Variants in CMSS1 observed in about 807,000 individuals in gnomAD.
CMSS1 encodes the protein cms1 ribosomal small subunit homolog, also known as protein CMSS1.
Under a neutral mutation model 43.5 loss-of-function variants are expected in CMSS1, and 33 were observed. That is an observed-to-expected ratio of 0.76 (90% CI 0.57 to 1.01). The LOEUF (loss-of-function observed/expected upper bound fraction) is 1.01. Ranked by LOEUF, CMSS1 falls within the 50% of genes least tolerant of loss-of-function variation. The pLI, the probability that CMSS1 is intolerant of heterozygous loss-of-function variation, is 0.00. For missense variants in CMSS1, 313 were observed against 326.4 expected (o/e 0.96, Z 0.32); for synonymous variants, 115 against 117.2 (o/e 0.98, Z 0.12).
In CMSS1 at chr3:100,174,112, A is replaced by G. The variant is rs111966978; in HGVS notation, c.667+1709A>G. ...TGTAACTGGAAAGAAATTTGAGGAA[A>G]GTCCTTGAACAGTAAGCTGAGGAGT... is the stretch of plus-strand genomic sequence containing the variant. On this transcript the variant is annotated intron_variant, in intron 8 of 9. Coordinates refer to ENST00000421999, the MANE Select transcript of CMSS1 (RefSeq NM_032359.4). Among the ~76,000 whole-genome samples, 625 of 152,328 alleles carry G rather than the reference A, an allele frequency of 4.1e-3. 7 individuals are homozygous for G. The highest frequency in any genetic ancestry group is 0.015 in the African/African-American group (609 of 41,574).
chr3:100,043,833 T>C (rs1476927837), intron 1 of CMSS1, among the ~76,000 whole-genome samples: 3 of 152,222 alleles, frequency 2.0e-5, no homozygotes, highest in Non-Finnish European at 4.4e-5. Flanking sequence ...TCTATCCTTT[T>C]AGCAATTTTG....
chr3:99,908,730 G>A (rs1466123447), intron 1 of CMSS1, among the ~76,000 whole-genome samples: 1 of 152,128 alleles, frequency 6.6e-6, no homozygotes, highest in African/African-American at 2.4e-5. Flanking sequence ...ACTGTGCTTA[G>A]CACAGTGTTT....
At chr3:99,931,124 T>C in intron 1 of CMSS1, 1 of 1,020,434 alleles carries the variant, frequency 9.8e-7, no homozygotes, top group East Asian at 2.4e-5. Flanking sequence ...ATTCTTGTTA[T>C]ATTTACCACA....
intron 1 of CMSS1, among the ~76,000 whole-genome samples, chr3:99,877,785 T>G (rs1325912228): frequency 1.3e-5 from 2 of 152,204 alleles, no homozygotes; most frequent in South Asian, 2.1e-4. Flanking sequence ...CAAATGAGAT[T>G]AAATGACTTT....
intron 1 of CMSS1, among the ~76,000 whole-genome samples, chr3:100,121,304 A>G (rs755103885): frequency 3.2e-5 from 4 of 125,478 alleles, no homozygotes; most frequent in Non-Finnish European, 6.2e-5. Context: ...GTGTGTTTTC[A>G]TTGTTCAGCT....
At chr3:99,904,933 G>A (rs1331313996) in intron 1 of CMSS1, among the ~76,000 whole-genome samples, 2 of 152,072 alleles carry the variant, frequency 1.3e-5, no homozygotes, top group Admixed American at 6.5e-5. Flanking sequence ...TTGGGTCCTT[G>A]AAGTCAGGTT....
intron 1 of CMSS1, among the ~76,000 whole-genome samples, chr3:100,043,522 G>T (rs779523895): frequency 2.6e-5 from 4 of 152,068 alleles, no homozygotes; most frequent in Non-Finnish European, 5.9e-5. Context: ...TGCTGTGGGA[G>T]ACAGGCTCCA....
Position 100,147,047 on chromosome 3 carries a change from G to A in CMSS1, c.139G>A (p.Glu47Lys), listed in dbSNP as rs2066858013. 1.9e-6 allele frequency: 3 copies of A among 1,613,894 alleles called. No homozygotes were observed. The highest frequency in any genetic ancestry group is 2.7e-5 in the African/African-American group (2 of 75,016). The change falls in exon 2 of 10, where the codon GAG becomes AAG. Residue 47 changes from glutamate (E) to lysine (K), a missense_variant. Physicochemically the swap from Glu to Lys is moderately conservative, Grantham distance 56 (BLOSUM62 1). Transcript: ENST00000421999. Reference sequence around the variant, plus strand: ...GACAGTTCCAGTTCCTGTACCTTCAGAGAAAACCAAACAGGTGAGGGGTCA... The same window carrying A: ...GACAGTTCCAGTTCCTGTACCTTCAAAGAAAACCAAACAGGTGAGGGGTCA... ...QETVPVPVPS[E>K]KTKQPKECFL...
At chr3:100,016,110 G>A (rs1380726051) in intron 1 of CMSS1, among the ~76,000 whole-genome samples, 5 of 152,148 alleles carry the variant, frequency 3.3e-5, no homozygotes, top group Non-Finnish European at 7.4e-5. Context: ...CTTGCAGGCC[G>A]TTTTGTGGAT....
chr3:99,818,169 C>A, intron 1 of CMSS1, 126 bp downstream of exon 1: 3 of 805,096 alleles, frequency 3.7e-6, no homozygotes, highest in Non-Finnish European at 4.0e-6. Context: ...TGGGAGCGCG[C>A]AAGCATCTCG....
intron 1 of CMSS1, among the ~76,000 whole-genome samples, chr3:100,028,747 A>G (rs1307615473): frequency 6.6e-6 from 1 of 152,174 alleles, no homozygotes; most frequent in Non-Finnish European, 1.5e-5. Context: ...CAATGATAAT[A>G]GCACATTTCC....
At chr3:99,958,254 A>G (rs1708396114) in intron 1 of CMSS1, among the ~76,000 whole-genome samples, 1 of 144,614 alleles carries the variant, frequency 6.9e-6, no homozygotes, top group Admixed American at 7.0e-5. Context: ...TTATTATTTG[A>G]AGGTAACATG....
intron 2 of CMSS1, among the ~76,000 whole-genome samples, chr3:100,150,021 C>T (rs534269973): frequency 1.3e-5 from 2 of 152,228 alleles, no homozygotes; most frequent in African/African-American, 2.4e-5. Flanking sequence ...GGTCTGTCCT[C>T]TCCATCCCTG....
At chr3:100,003,177 T>G (rs1335110239) in intron 1 of CMSS1, among the ~76,000 whole-genome samples, 1 of 152,182 alleles carries the variant, frequency 6.6e-6, no homozygotes, top group African/African-American at 2.4e-5. Flanking sequence ...TTAGAAGCAC[T>G]TTTGTTGTAA....
At chr3:100,031,119 C>T (rs2065015265) in intron 1 of CMSS1, among the ~76,000 whole-genome samples, 2 of 152,048 alleles carry the variant, frequency 1.3e-5, no homozygotes, top group Admixed American at 6.6e-5. Context: ...TAATTTAGAA[C>T]ATATTTTCCT....
chr3:99,974,771 G>T (rs942547540), intron 1 of CMSS1, among the ~76,000 whole-genome samples: 16 of 152,020 alleles, frequency 1.1e-4, no homozygotes, highest in African/African-American at 3.9e-4. Flanking sequence ...CCTGTTGTTT[G>T]ATGACATGTA....
intron 1 of CMSS1, among the ~76,000 whole-genome samples, chr3:100,065,453 C>T (rs2065647783): frequency 1.3e-5 from 2 of 152,134 alleles, no homozygotes; most frequent in South Asian, 4.1e-4. Flanking sequence ...AGATTCAATC[C>T]CAGTTCTGTT....
chr3:99,988,426 C>G (rs1459965791), intron 1 of CMSS1, among the ~76,000 whole-genome samples: 1 of 144,786 alleles, frequency 6.9e-6, no homozygotes, highest in South Asian at 2.2e-4. Flanking sequence ...ACAGGAGAAT[C>G]GCTTGAATGT....
intron 1 of CMSS1, among the ~76,000 whole-genome samples, chr3:100,120,431 C>A (rs1302593031): frequency 2.0e-5 from 3 of 152,178 alleles, no homozygotes. Context: ...CTAAAAGATT[C>A]CTTTTGCACA....
Sources: allele counts gnomAD v4.1 joint callset (sites outside exome capture counted in the v4.1 genomes callset), GRCh38; gene constraint gnomAD v4.1.1; transcripts MANE v1.5; gene names NCBI Gene and HGNC (gene_info 2026-07-23, HGNC 2026-07-21).